The following GRM7 variants were observed in gnomAD, a reference collection of about 807,000 sequenced individuals.
GRM7 encodes the protein metabotropic glutamate receptor 7.
GRM7 carries 35 observed loss-of-function variants against 84.5 expected under a neutral mutation model. The observed-to-expected ratio is 0.41, with a 90% confidence interval of 0.32 to 0.55. GRM7 has a LOEUF of 0.55. GRM7 is among the 20% of genes least tolerant of loss of function. The pLI, the probability that GRM7 is intolerant of heterozygous loss-of-function variation, is 0.19. For missense variants in GRM7, 1,003 were observed against 1,194.6 expected (o/e 0.84, Z 2.36); for synonymous variants, 487 against 455.1 (o/e 1.07, Z -0.89).
At chr3:6,943,821 G>A (rs1223741755) in intron 1 of GRM7, among the ~76,000 whole-genome samples, 2 of 151,982 alleles carry the variant, frequency 1.3e-5, no homozygotes, top group Admixed American at 1.3e-4. Context: ...TAATGAAAAA[G>A]GTAACTCAGT....
At chr3:7,097,310 T>C (rs554858850) in intron 1 of GRM7, among the ~76,000 whole-genome samples, 188 of 152,274 alleles carry the variant, frequency 1.2e-3, no homozygotes, top group African/African-American at 4.2e-3. Context: ...GCTGTGTTTT[T>C]CAATGCAATA....
At chr3:7,235,227 C>T (rs1323753160) in intron 2 of GRM7, among the ~76,000 whole-genome samples, 1 of 152,130 alleles carries the variant, frequency 6.6e-6, no homozygotes, top group African/African-American at 2.4e-5. Flanking sequence ...TGTGGATGTC[C>T]TGAGTGTTTG....
chr3:7,403,925 G>C (rs1399150649), intron 4 of GRM7, among the ~76,000 whole-genome samples: 4 of 151,810 alleles, frequency 2.6e-5, no homozygotes, highest in Non-Finnish European at 4.4e-5. Context: ...GTCCAGGGCT[G>C]TAAAATGGAT....
chr3:6,872,671 T>G, intron 1 of GRM7, among the ~76,000 whole-genome samples: 1 of 151,818 alleles, frequency 6.6e-6, no homozygotes. Context: ...TGTCCATATG[T>G]TCTTGTTGTT....
intron 1 of GRM7, among the ~76,000 whole-genome samples, chr3:7,122,502 A>T (rs1693259946): frequency 6.6e-6 from 1 of 152,288 alleles, no homozygotes; most frequent in Admixed American, 6.5e-5. Context: ...AAATATTTTT[A>T]TCTGTGTTTT....
chr3:6,867,624 T>G (rs1253228626), intron 1 of GRM7, among the ~76,000 whole-genome samples: 1 of 152,168 alleles, frequency 6.6e-6, no homozygotes, highest in Non-Finnish European at 1.5e-5. Context: ...CTGCTTCTTG[T>G]CCCCTTTTAC....
At chr3:7,522,200 G>A (rs1262662336) in intron 7 of GRM7, among the ~76,000 whole-genome samples, 9 of 152,094 alleles carry the variant, frequency 5.9e-5, no homozygotes. Flanking sequence ...TAACATGACT[G>A]GACCTTGCCT....
chr3:7,550,942 T>C (rs1277463314), intron 7 of GRM7, among the ~76,000 whole-genome samples: 1 of 152,144 alleles, frequency 6.6e-6, no homozygotes, highest in Admixed American at 6.5e-5. Context: ...GATATTAATG[T>C]GGGTTTTAGA....
At chr3:7,493,225 G>A (rs75804216) in intron 7 of GRM7, among the ~76,000 whole-genome samples, 14,185 of 151,962 alleles carry the variant, frequency 0.093, 810 homozygotes, top group South Asian at 0.15. Context: ...TATTCTTGCT[G>A]AGTTGTGTCT....
chr3:7,461,676 C>T lies in GRM7; in HGVS notation c.1469C>T (p.Pro490Leu), dbSNP rs997662248. The T allele has an allele frequency of 2.5e-6, 4 of 1,613,824 alleles. No homozygotes were observed. The highest frequency in any genetic ancestry group is 2.5e-6 in the Non-Finnish European group (3 of 1,179,778). ...FQYQTTNTSN[P>L]GYRLIGQWTD... ...TACCAGACCACAAACACCAGCAACCCGGGTTACCGTCTGATCGGGCAGTGG... is the reference window on the plus strand; with the variant it reads ...TACCAGACCACAAACACCAGCAACCTGGGTTACCGTCTGATCGGGCAGTGG... The change falls in exon 7 of 10, where the codon CCG (proline) becomes CTG (leucine). Residue 490 changes from proline (P) to leucine (L), a missense_variant. Pro to Leu is a moderately conservative substitution (Grantham distance 98). Coordinates refer to ENST00000357716, the MANE Select transcript of GRM7 (RefSeq NM_000844.4).
At chr3:7,700,092 C>G (rs1016241584) in intron 9 of GRM7, among the ~76,000 whole-genome samples, 2 of 152,202 alleles carry the variant, frequency 1.3e-5, no homozygotes, top group Non-Finnish European at 2.9e-5. Flanking sequence ...TAGCATTTAG[C>G]AGAATCATCT....
At chr3:7,295,275 C>T (rs779181745) in intron 2 of GRM7, among the ~76,000 whole-genome samples, 4 of 152,076 alleles carry the variant, frequency 2.6e-5, no homozygotes, top group Admixed American at 6.6e-5. Flanking sequence ...AGTTCCTTTG[C>T]ATGTTAGCCA....
At chr3:7,301,950 C>G (rs1700017069) in intron 3 of GRM7, among the ~76,000 whole-genome samples, 1 of 152,038 alleles carries the variant, frequency 6.6e-6, no homozygotes, top group Non-Finnish European at 1.5e-5. Flanking sequence ...GATTTTAAAG[C>G]TAAGATAAGT....
At chr3:7,381,164 G>GT (rs200244189) in intron 4 of GRM7, among the ~76,000 whole-genome samples, 2,756 of 150,486 alleles carry the variant, frequency 0.018, 81 homozygotes, top group African/African-American at 0.061. Context: ...TATTTAGTTA[G>GT]TTTTTTTTTG....
At chr3:7,696,414 C>T (rs1350271695) in intron 9 of GRM7, among the ~76,000 whole-genome samples, 1 of 152,138 alleles carries the variant, frequency 6.6e-6, no homozygotes, top group Non-Finnish European at 1.5e-5. Context: ...GTGGTCAGTA[C>T]ATGGATAATG....
intron 4 of GRM7, among the ~76,000 whole-genome samples, chr3:7,349,258 A>G (rs1693027213): frequency 6.6e-6 from 1 of 152,088 alleles, no homozygotes; most frequent in Non-Finnish European, 1.5e-5. Flanking sequence ...AGCTTGACAT[A>G]AATTTCTTTC....
intron 6 of GRM7, among the ~76,000 whole-genome samples, chr3:7,458,672 A>G (rs1698119652): frequency 6.6e-6 from 1 of 152,172 alleles, no homozygotes; most frequent in Non-Finnish European, 1.5e-5. Flanking sequence ...GATGGGGCCC[A>G]TTCTGATGAA....
chr3:7,721,874 C>T (rs1004970717), intron 9 of GRM7, among the ~76,000 whole-genome samples: 1 of 152,214 alleles, frequency 6.6e-6, no homozygotes, highest in African/African-American at 2.4e-5. Flanking sequence ...TTTGAGTCCA[C>T]TTGAATCATA....
At chr3:6,997,032 GA>G (rs1694850144) in intron 1 of GRM7, among the ~76,000 whole-genome samples, 1 of 152,166 alleles carries the variant, frequency 6.6e-6, no homozygotes, top group African/African-American at 2.4e-5. Flanking sequence ...TAAAAAGCAA[GA>G]AAAATGTTAG....
Sources: gnomAD v4.1 joint callset for allele counts (sites outside exome capture counted in the v4.1 genomes callset) on GRCh38, gnomAD v4.1.1 for gene constraint, MANE v1.5 for transcripts, NCBI Gene and HGNC (gene_info 2026-07-23, HGNC 2026-07-21) for gene names.